Variants in GALC observed in about 807,000 individuals in gnomAD.
GALC encodes galactosylceramidase.
GALC carries 77 observed loss-of-function variants against 91.8 expected under a neutral mutation model. The observed-to-expected ratio is 0.84, with a 90% CI of 0.70 to 1.01. The LOEUF (loss-of-function observed/expected upper bound fraction) is 1.01, where lower values mean the gene tolerates loss of function less well. Among genes scored for constraint, GALC ranks in the 50% least tolerant of loss-of-function variants. The pLI, the probability that GALC is intolerant of heterozygous loss-of-function variation, is 0.00. For missense variants in GALC, 882 were observed against 855.9 expected, an observed-to-expected ratio of 1.03 and a Z score of -0.38; for synonymous variants, 357 against 306.7, an observed-to-expected ratio of 1.16 and a Z score of -1.71.
At chr14:87,980,503 ACCTCT>A in intron 6 of GALC, 2 of 982,150 alleles carry the variant, frequency 2.0e-6, no homozygotes, top group Non-Finnish European at 2.4e-6. Context: ...ATATCCCTTT[ACCTCT>A]CAATCTTCAG....
At position 87,946,973 on chromosome 14, in the gene GALC, C is replaced by T. The variant is rs144906576; in HGVS notation, c.1489+755G>A. On this transcript the variant is annotated intron_variant, in intron 13 of 16. Coordinates refer to ENST00000261304, the MANE Select transcript of GALC (RefSeq NM_000153.4). ...GAGTGTCCATCTTTGGTGGAACAAG[C>T]AGCTCTGCAGCAAACAGGAGCTTCA... 7.0e-3 allele frequency among the ~76,000 whole-genome samples: 1,057 copies of T among 152,026 alleles called. 12 individuals are homozygous for T. Among genetic ancestry groups the T allele is most frequent in the Non-Finnish European group, 0.011 (762 of 67,934 alleles).
At chr14:87,938,844 T>C (rs988315637) in intron 16 of GALC, among the ~76,000 whole-genome samples, 4 of 151,772 alleles carry the variant, frequency 2.6e-5, no homozygotes, top group African/African-American at 7.3e-5. Context: ...ATAAGCAAAA[T>C]TAGAATACAC....
Position 87,934,032 on chromosome 14 carries a change from T to C in GALC, c.*700A>G. The C allele has an allele frequency of 6.5e-7, 1 of 1,533,970 alleles. No individual in the cohort carries two copies. Among genetic ancestry groups the C allele is most frequent in the Non-Finnish European group, 8.7e-7 (1 of 1,145,686 alleles). On this transcript the variant is annotated 3_prime_UTR_variant, in exon 17 of 17. Coordinates refer to ENST00000261304, the MANE Select transcript of GALC (RefSeq NM_000153.4). ...AACGTTCACAGAGAGTTATAGTGGT[T>C]ACAAGACCAAAACTTGGAATCAAAA...
chr14:87,987,745 GA>G (rs543164716), intron 3 of GALC: 301 of 161,736 alleles, frequency 1.9e-3, no homozygotes, highest in African/African-American at 7.1e-3. Flanking sequence ...GTTTTTAAAA[GA>G]AAAAAAAGCT....
At chr14:87,983,592 G>A (rs1034913232) in intron 5 of GALC, among the ~76,000 whole-genome samples, 1 of 152,198 alleles carries the variant, frequency 6.6e-6, no homozygotes, top group Non-Finnish European at 1.5e-5. Flanking sequence ...GATAATCTAA[G>A]TCATGATTGC....
intron 16 of GALC, among the ~76,000 whole-genome samples, chr14:87,938,260 A>G (rs1320029592): frequency 1.3e-5 from 2 of 151,992 alleles, no homozygotes; most frequent in Non-Finnish European, 2.9e-5. Context: ...CACATGAACA[A>G]TTAACAGAAT....
In GALC at chr14:87,963,435, G is replaced by A. The variant is rs372793797; in HGVS notation, c.1110C>T (p.Tyr370=). Residue 370 remains tyrosine, a synonymous_variant, in exon 10 of 17, where the codon TAC becomes TAT. Transcript: ENST00000261304. ...TCCCTAAGCCATCAGTCAGAGCTACGTAGCTTCCTCCTTTCTCTAAATGGC... is the reference window on the plus strand; with the variant it reads ...TCCCTAAGCCATCAGTCAGAGCTACATAGCTTCCTCCTTTCTCTAAATGGC... The part of the protein sequence containing the change: ...TVGHLEKGGS[Y]VALTDGLGNL... 71 of 1,613,352 alleles carry A rather than the reference G, an allele frequency of 4.4e-5. 1 individual carries two copies. The South Asian group carries it at 5.4e-4, about 12-fold the overall frequency.
At chr14:87,952,470 C>A (rs1256315701) in intron 10 of GALC, 26 of 546,054 alleles carry the variant, frequency 4.8e-5, no homozygotes, top group East Asian at 3.2e-5. Context: ...TCACTATAGG[C>A]ATAAGCTAAA....
At chr14:87,950,784 T>C (rs765225359) in intron 10 of GALC, 36 bp from the exon 11 acceptor site, 15 of 1,408,930 alleles carry the variant, frequency 1.1e-5, no homozygotes, top group Admixed American at 1.7e-5. Context: ...ATCCAAATGA[T>C]GTATAAGCTA....
chr14:87,965,534 T>C lies in GALC; in HGVS notation c.1004A>G (p.Tyr335Cys), dbSNP rs757407613. ...MTAQEPWSGH[Y>C]VVESPVWVSA... ...TACCCAGACAGGAGATTCTACCACG[T>C]AGTGCCCACTCCATGGCTCCTGGGC... Residue 335 changes from tyrosine to cysteine, a missense_variant, in exon 9 of 17, where the codon TAC (tyrosine) becomes TGC (cysteine). Physicochemically the swap from Tyr to Cys is radical, Grantham distance 194. Coordinates refer to ENST00000261304, the MANE Select transcript of GALC (RefSeq NM_000153.4). 7 of 1,613,386 alleles carry C rather than the reference T, an allele frequency of 4.3e-6. No individual in the cohort carries two copies. Among genetic ancestry groups the C allele is most frequent in the South Asian group, 2.2e-5 (2 of 91,078 alleles).
rs908304331 is a variant in GALC, at chr14:87,965,599, G to A, written c.939C>T (p.Tyr313=). ...STIAWNLVAS[Y]YEQLPYGRCG... The stretch of plus-strand genomic sequence containing the variant: ...ATCTCCCATAAGGCAACTGTTCATA[G>A]TAACTAGCCACTAAATTCCATGCGA... Residue 313 remains tyrosine (Y), a synonymous_variant, in exon 9 of 17, where the codon TAC becomes TAT. Coordinates refer to ENST00000261304, the MANE Select transcript of GALC (RefSeq NM_000153.4). 1 of 1,613,234 alleles carries A rather than the reference G, an allele frequency of 6.2e-7. No individual in the cohort carries two copies. The highest frequency in any genetic ancestry group is 8.5e-7 in the Non-Finnish European group (1 of 1,179,498).
chr14:87,943,476 A>G (rs1884939935), intron 14 of GALC, among the ~76,000 whole-genome samples: 1 of 152,030 alleles, frequency 6.6e-6, no homozygotes, highest in African/African-American at 2.4e-5. Context: ...CAGATAAACT[A>G]AACAAATTTC....
At chr14:87,937,324 T>G (rs978599189) in intron 16 of GALC, among the ~76,000 whole-genome samples, 4 of 151,676 alleles carry the variant, frequency 2.6e-5, no homozygotes, top group Non-Finnish European at 5.9e-5. Context: ...ACACACAAAA[T>G]GAGAGCTAAA....
chr14:87,992,608 C>T (rs1410646655), intron 1 of GALC: 10 of 1,450,188 alleles, frequency 6.9e-6, no homozygotes, highest in Admixed American at 2.7e-5. Flanking sequence ...TGGAGCGACG[C>T]TCCCCGACTG....
At chr14:87,956,643 T>C (rs1171759161) in intron 10 of GALC, among the ~76,000 whole-genome samples, 1 of 151,466 alleles carries the variant, frequency 6.6e-6, no homozygotes, top group African/African-American at 2.4e-5. Flanking sequence ...GGTATATATA[T>C]ATTTCCTTTA....
chr14:87,979,718 T>G (rs1439003586), intron 6 of GALC, among the ~76,000 whole-genome samples: 1 of 152,176 alleles, frequency 6.6e-6, no homozygotes, highest in African/African-American at 2.4e-5. Context: ...AAAATAAAAC[T>G]TAAGCTTTGA....
chr14:87,963,617 C>T, intron 9 of GALC, 106 bp from the exon 10 acceptor site: 1 of 944,928 alleles, frequency 1.1e-6, no homozygotes, highest in Non-Finnish European at 1.6e-6. Context: ...TTCATCCAAA[C>T]AAGCTATTTT....
At chr14:87,941,890 G>A (rs1487801900) in intron 14 of GALC, among the ~76,000 whole-genome samples, 2 of 151,842 alleles carry the variant, frequency 1.3e-5, no homozygotes, top group Non-Finnish European at 2.9e-5. Context: ...TATTGTCTAT[G>A]AACACATTAA....
Position 87,985,802 on chromosome 14 carries a change from G to A in GALC, c.442+687C>T, listed in dbSNP as rs934306185. On this transcript the variant is annotated intron_variant, in intron 4 of 16. Coordinates refer to ENST00000261304, the MANE Select transcript of GALC (RefSeq NM_000153.4). ...TCTTGATGTTTGAAATACTTCACAAGCTCTGTACACATTCTCACAGAACTG... is the reference window on the plus strand; with the variant it reads ...TCTTGATGTTTGAAATACTTCACAAACTCTGTACACATTCTCACAGAACTG... Among the ~76,000 whole-genome samples the A allele has an allele frequency of 1.8e-4, 28 of 152,086 alleles. 1 individual carries two copies. The highest frequency in any genetic ancestry group is 1.6e-3 in the Admixed American group (24 of 15,274).
Sources: allele counts gnomAD v4.1 joint callset (sites outside exome capture counted in the v4.1 genomes callset), GRCh38; gene constraint gnomAD v4.1.1; transcripts MANE v1.5; gene names NCBI Gene and HGNC (gene_info 2026-07-23, HGNC 2026-07-21).